HCN1: variants seen among roughly 807,000 people sequenced by gnomAD.
HCN1 encodes the protein hyperpolarization activated cyclic nucleotide gated potassium channel 1.
In HCN1, 13 loss-of-function variants were observed where a neutral mutation model predicts 78.9. That is an observed-to-expected ratio of 0.16 (90% CI 0.11 to 0.26). HCN1 has a LOEUF of 0.26. Among genes scored for constraint, HCN1 ranks in the 10% least tolerant of loss-of-function variants. The pLI is 1.00. For synonymous variants in HCN1, 552 were observed against 455.5 expected, an observed-to-expected ratio of 1.21 and a Z score of -2.70; for missense variants, 810 against 1,154.3, an observed-to-expected ratio of 0.70 and a Z score of 4.32.
intron 3 of HCN1, among the ~76,000 whole-genome samples, chr5:45,445,214 C>A (rs994833493): frequency 6.6e-6 from 1 of 152,166 alleles, no homozygotes; most frequent in African/African-American, 2.4e-5. Context: ...GCTTAGAAAA[C>A]GGCGCACCAG....
chr5:45,270,414 C>A (rs1268634520), intron 6 of HCN1, among the ~76,000 whole-genome samples: 2 of 152,142 alleles, frequency 1.3e-5, no homozygotes, highest in African/African-American at 4.8e-5. Context: ...CTGGTTTAAT[C>A]CCTGAAGTAG....
At chr5:45,625,819 C>CAA (rs749393444) in intron 2 of HCN1, among the ~76,000 whole-genome samples, 1 of 141,726 alleles carries the variant, frequency 7.1e-6, no homozygotes, top group Non-Finnish European at 1.5e-5. Context: ...AAACCAAAAC[C>CAA]AAAAAAAAAA....
At chr5:45,599,874 T>C (rs1744588918) in intron 2 of HCN1, among the ~76,000 whole-genome samples, 1 of 152,104 alleles carries the variant, frequency 6.6e-6, no homozygotes, top group East Asian at 1.9e-4. Flanking sequence ...CTGAAATAAA[T>C]GTGAAACTGA....
intron 4 of HCN1, among the ~76,000 whole-genome samples, chr5:45,375,247 T>A (rs1463017556): frequency 1.7e-5 from 2 of 117,586 alleles, no homozygotes; most frequent in African/African-American, 6.9e-5. Context: ...TAATATATTA[T>A]ACATAATATA....
At position 45,696,155 on chromosome 5, in the gene HCN1, G is replaced by A; in HGVS notation, c.-62C>T. 1 of 1,173,016 alleles carries A rather than the reference G, an allele frequency of 8.5e-7. No individual in the cohort carries two copies. The highest frequency in any genetic ancestry group is 1.1e-6 in the Non-Finnish European group (1 of 925,104). The allele number at this position is 1,173,016 out of a possible 1,614,324, so 72.7% of individuals were successfully genotyped here. A position where few individuals can be genotyped will look rare whatever the true frequency, so the allele number is the denominator to read the frequency against. ...GACTCGCCGGCCGCCCGGCGCCGGA[G>A]ACACGTAGCCGAGAGGGTAGGGGCC... is the stretch of plus-strand genomic sequence containing the variant. On this transcript the variant is annotated 5_prime_UTR_variant, in exon 1 of 8. Transcript: ENST00000303230.
chr5:45,373,597 CGGT>C (rs1561129648), intron 4 of HCN1, among the ~76,000 whole-genome samples: 3 of 137,654 alleles, frequency 2.2e-5, no homozygotes, highest in African/African-American at 2.7e-5. Context: ...ATATTACATA[CGGT>C]ATATACGTCA....
chr5:45,347,521 C>A (rs1383176874), intron 5 of HCN1, among the ~76,000 whole-genome samples: 1 of 152,178 alleles, frequency 6.6e-6, no homozygotes, highest in Non-Finnish European at 1.5e-5. Flanking sequence ...TGGAGAATGA[C>A]TTTGATGAGT....
chr5:45,350,324 A>G (rs897481397), intron 5 of HCN1, among the ~76,000 whole-genome samples: 1 of 152,060 alleles, frequency 6.6e-6, no homozygotes. Flanking sequence ...AAATTCAACA[A>G]CTCTTCATGC....
chr5:45,497,953 C>T (rs993276471), intron 2 of HCN1, among the ~76,000 whole-genome samples: 3 of 152,274 alleles, frequency 2.0e-5, no homozygotes, highest in Admixed American at 6.5e-5. Context: ...GCCGAGAGAT[C>T]CGCTGTTAGT....
intron 2 of HCN1, among the ~76,000 whole-genome samples, chr5:45,552,874 A>G (rs1014336910): frequency 2.6e-5 from 4 of 151,962 alleles, no homozygotes; most frequent in African/African-American, 9.7e-5. Context: ...TAAAAGGAAG[A>G]CACTGGGAAT....
rs143839544 is a variant in HCN1, at chr5:45,527,265, C to T, written c.850-65258G>A. Among the ~76,000 whole-genome samples, 7 of 137,110 alleles carry T rather than the reference C, an allele frequency of 5.1e-5. 1 individual carries two copies. The highest frequency in any genetic ancestry group is 1.6e-4 in the African/African-American group (6 of 36,624). 89.9% of individuals were successfully genotyped at this position (137,110 alleles called of 152,430 possible). ...TTTTTTTATATCTTCATTTGCATGG[C>T]GTATAGTACAGAGTCAATAAATGTT... On this transcript the variant is annotated intron_variant, in intron 2 of 7. Transcript: ENST00000303230.
intron 6 of HCN1, among the ~76,000 whole-genome samples, chr5:45,296,876 A>G: frequency 6.6e-6 from 1 of 152,016 alleles, no homozygotes; most frequent in East Asian, 1.9e-4. Flanking sequence ...GGAAAGTACA[A>G]ACTAATAAAA....
intron 2 of HCN1, among the ~76,000 whole-genome samples, chr5:45,597,175 T>C (rs1400893628): frequency 6.6e-6 from 1 of 152,136 alleles, no homozygotes; most frequent in African/African-American, 2.4e-5. Flanking sequence ...CTCAATAAAA[T>C]ACTGGCAAAC....
At chr5:45,484,761 C>T (rs1262537559) in intron 2 of HCN1, among the ~76,000 whole-genome samples, 1 of 152,134 alleles carries the variant, frequency 6.6e-6, no homozygotes, top group Non-Finnish European at 1.5e-5. Context: ...TGACACAGTG[C>T]TTATACTTTT....
chr5:45,297,979 C>T (rs545483850), intron 6 of HCN1, among the ~76,000 whole-genome samples: 9 of 109,288 alleles, frequency 8.2e-5, no homozygotes, highest in Admixed American at 4.6e-4. Context: ...TGATTAAGAA[C>T]ATCTGAAAAA....
At chr5:45,571,841 G>A (rs1158548124) in intron 2 of HCN1, among the ~76,000 whole-genome samples, 1 of 152,158 alleles carries the variant, frequency 6.6e-6, no homozygotes, top group African/African-American at 2.4e-5. Context: ...CTGAACCTGG[G>A]AGGCAGAGGT....
intron 5 of HCN1, among the ~76,000 whole-genome samples, chr5:45,339,450 C>T (rs968519023): frequency 1.1e-4 from 16 of 152,136 alleles, no homozygotes; most frequent in African/African-American, 3.6e-4. Context: ...CATTTATTTT[C>T]CAGGAAATTG....
intron 2 of HCN1, among the ~76,000 whole-genome samples, chr5:45,494,346 G>T (rs1171946204): frequency 2.0e-5 from 3 of 152,174 alleles, no homozygotes; most frequent in Non-Finnish European, 4.4e-5. Context: ...TTTCTCTGAT[G>T]GCCAGTGATG....
At chr5:45,311,750 A>T (rs769580111) in intron 5 of HCN1, among the ~76,000 whole-genome samples, 24 of 152,160 alleles carry the variant, frequency 1.6e-4, no homozygotes, top group Non-Finnish European at 2.5e-4. Flanking sequence ...AATGCATGAG[A>T]CCTGCAGCTT....
Sources: gnomAD v4.1 joint callset for allele counts (sites outside exome capture counted in the v4.1 genomes callset) on GRCh38, gnomAD v4.1.1 for gene constraint, MANE v1.5 for transcripts, NCBI Gene and HGNC (gene_info 2026-07-23, HGNC 2026-07-21) for gene names.